PWWP3A: variants seen among roughly 807,000 people sequenced by gnomAD.
PWWP3A encodes the protein PWWP domain containing 3A, DNA repair factor, also known as PWWP domain-containing DNA repair factor 3A.
In PWWP3A, 53 loss-of-function variants were observed where a neutral mutation model predicts 79.0. The observed-to-expected ratio is 0.67, with a 90% CI of 0.54 to 0.84. The LOEUF is 0.84. Ranked by LOEUF, PWWP3A falls within the 40% of genes least tolerant of loss-of-function variation. The pLI is 0.00. For missense variants in PWWP3A, 973 were observed against 948.0 expected (o/e 1.03, Z -0.35); for synonymous variants, 443 against 394.4 (o/e 1.12, Z -1.46).
Position 1,356,994 on chromosome 19 carries a change from T to C in PWWP3A, c.58-15T>C. On this transcript the variant is annotated splice_polypyrimidine_tract_variant and intron_variant, in intron 2 of 13. Transcript: ENST00000591337. ...CTGTTGTAATAACAAGGATTTTCTT[T>C]TGTTTTAAATGTAGGTTTTGGCCCG... is the stretch of plus-strand genomic sequence containing the variant. The C allele has an allele frequency of 6.2e-7, 1 of 1,604,854 alleles. No homozygotes were observed. The highest frequency in any genetic ancestry group is 8.5e-7 in the Non-Finnish European group (1 of 1,175,830).
intron 13 of PWWP3A, chr19:1,374,387 C>T (rs1478341103): frequency 6.6e-6 from 1 of 152,244 alleles, no homozygotes; most frequent in Admixed American, 6.5e-5. Context: ...CAGCATCGCA[C>T]TTGATCTTTG....
chr19:1,355,769 C>T lies in PWWP3A; in HGVS notation c.-69-555C>T, dbSNP rs542303496. On this transcript the variant is annotated intron_variant, in intron 1 of 13. Transcript: ENST00000591337. ...TCTTCCCTGCTGCGGGGACGCCCCC[C>T]TCCGTTGTTGCTAAATTCCACCCCC... is the stretch of plus-strand genomic sequence containing the variant. 9.9e-5 allele frequency among the ~76,000 whole-genome samples: 15 copies of T among 152,034 alleles called. No homozygotes were observed. The East Asian group carries it at 2.5e-3, about 26-fold the overall frequency.
chr19:1,367,793 TCC>T (rs935729786), intron 9 of PWWP3A, among the ~76,000 whole-genome samples: 2 of 152,188 alleles, frequency 1.3e-5, no homozygotes, highest in Non-Finnish European at 2.9e-5. Context: ...AATGTCTATT[TCC>T]CCTCTGGAAA....
rs2081994640 is a variant in PWWP3A at position 1,360,775 on chromosome 19, C to A, written c.854C>A (p.Ala285Asp). The change falls in exon 5 of 14, where the codon GCC becomes GAC. Residue 285 changes from alanine to aspartate, a missense_variant. Ala to Asp is a moderately radical substitution (Grantham distance 126, BLOSUM62 -2). Transcript: ENST00000591337. The surrounding 1 kb of genome is among the most constrained non-coding windows in gnomAD (Gnocchi z 4.4). ...LPLGSLTAPP[A>D]PEPSACSEPG... Reference sequence around the variant, plus strand: ...TTGGGCAGCCTCACTGCGCCCCCAGCCCCTGAGCCCTCGGCCTGCTCAGAG... The same window carrying A: ...TTGGGCAGCCTCACTGCGCCCCCAGACCCTGAGCCCTCGGCCTGCTCAGAG... 3.1e-6 allele frequency: 5 copies of A among 1,609,482 alleles called. No homozygotes were observed. The highest frequency in any genetic ancestry group is 2.2e-5 in the South Asian group (2 of 90,736).
At chr19:1,362,963 C>T (rs1322345554) in intron 6 of PWWP3A, among the ~76,000 whole-genome samples, 3 of 152,270 alleles carry the variant, frequency 2.0e-5, no homozygotes, top group Non-Finnish European at 4.4e-5. Context: ...ACTTGAGACT[C>T]GCCCGTGAAC....
In PWWP3A at chr19:1,362,259, C is replaced by T. The variant is rs139213536; in HGVS notation, c.1121C>T (p.Ser374Phe). The T allele has an allele frequency of 2.5e-6, 4 of 1,611,982 alleles. No homozygotes were observed. The highest frequency in any genetic ancestry group is 3.4e-6 in the Non-Finnish European group (4 of 1,179,254). ...DSQKLEKECQ[S>F]SEESMGSNSM... Reference sequence around the variant, plus strand: ...ATCACATTATTGGCAGAGTGCCAGTCTTCCGAAGAGTCCATGGGGTCTAAT... The same window carrying T: ...ATCACATTATTGGCAGAGTGCCAGTTTTCCGAAGAGTCCATGGGGTCTAAT... The change falls in exon 6 of 14, where the codon TCT (serine) becomes TTT (phenylalanine). Residue 374 changes from serine (S) to phenylalanine (F), a missense_variant. By Grantham distance (155) the Ser-to-Phe change is radical (BLOSUM62 -2). Coordinates refer to ENST00000591337, the MANE Select transcript of PWWP3A (RefSeq NM_001369789.1).
At chr19:1,362,422 A>C (rs2082038504) in intron 6 of PWWP3A, 71 bp downstream of exon 6, 4 of 1,181,868 alleles carry the variant, frequency 3.4e-6, no homozygotes, top group African/African-American at 1.5e-5. Context: ...GGGCTCCGAG[A>C]CCGGGCCCCA....
At chr19:1,371,355 T>C (rs2668424) in intron 12 of PWWP3A, 99,338 of 703,620 alleles carry the variant, frequency 0.14, 7,990 homozygotes, top group African/African-American at 0.27. Context: ...ACTCCCTCCC[T>C]ACTGCGGGCG....
intron 3 of PWWP3A, 75 bp downstream of exon 3, chr19:1,357,169 A>C: frequency 8.9e-7 from 1 of 1,126,260 alleles, no homozygotes; most frequent in Non-Finnish European, 1.3e-6. Context: ...ACTCCCCCAA[A>C]ACAGTTGAAG....
intron 12 of PWWP3A, 64 bp downstream of exon 12, chr19:1,371,142 G>T (rs555628755): frequency 3.9e-6 from 6 of 1,521,028 alleles, no homozygotes; most frequent in Non-Finnish European, 4.4e-6. Flanking sequence ...TTGCAACTCC[G>T]CACGAGGAGG....
chr19:1,363,933 T>G (rs1312557067), intron 6 of PWWP3A, among the ~76,000 whole-genome samples: 1 of 152,250 alleles, frequency 6.6e-6, no homozygotes, highest in African/African-American at 2.4e-5. Context: ...CTGTTTCCAG[T>G]AGTTTTTCTA....
At chr19:1,364,385 C>A in intron 6 of PWWP3A, 124 bp from the exon 7 acceptor site, 1 of 724,232 alleles carries the variant, frequency 1.4e-6, no homozygotes, top group South Asian at 1.7e-5. Context: ...AAGCGAATGA[C>A]ACAAAGTCAG....
At chr19:1,357,509 C>T (rs914769578) in intron 3 of PWWP3A, 3 of 152,286 alleles carry the variant, frequency 2.0e-5, no homozygotes, top group African/African-American at 7.4e-5. Flanking sequence ...CTGTGACAGG[C>T]CCATCAATTT....
rs906804537 is a variant in PWWP3A at position 1,360,762 on chromosome 19, A to T, written c.841A>T (p.Thr281Ser). The T allele has an allele frequency of 1.2e-6, 2 of 1,611,580 alleles. No homozygotes were observed. The highest frequency in any genetic ancestry group is 2.7e-5 in the African/African-American group (2 of 74,918). Reference sequence around the variant, plus strand: ...CCCCGGTCTGCCGTTGGGCAGCCTCACTGCGCCCCCAGCCCCTGAGCCCTC... The same window carrying T: ...CCCCGGTCTGCCGTTGGGCAGCCTCTCTGCGCCCCCAGCCCCTGAGCCCTC... ...HDPGLPLGSL[T>S]APPAPEPSAC... Residue 281 changes from threonine to serine, a missense_variant, in exon 5 of 14, where the codon ACT becomes TCT. By Grantham distance (58) the Thr-to-Ser change is moderately conservative (BLOSUM62 1). Transcript: ENST00000591337. This position sits in a 1 kb window ranked among gnomAD's most constrained non-coding sequence, Gnocchi z 4.4.
intron 7 of PWWP3A, 86 bp from the exon 8 acceptor site, chr19:1,366,219 G>A (rs2082125399): frequency 1.5e-6 from 2 of 1,340,196 alleles, no homozygotes; most frequent in South Asian, 1.2e-5. Context: ...GCGCCTGTTA[G>A]ATGTATCATG....
chr19:1,370,772 C>T lies in PWWP3A; in HGVS notation c.1680C>T (p.Leu560=). ...AGAGGCAGCCCTGCCGGAAAATGCTCCCCGACCGCTCGCGGGCCGCCCGGG... is the reference window on the plus strand; with the variant it reads ...AGAGGCAGCCCTGCCGGAAAATGCTTCCCGACCGCTCGCGGGCCGCCCGGG... The part of the protein sequence containing the change: ...LGQRQPCRKM[L]PDRSRAARDR... The change falls in exon 12 of 14, where the codon CTC becomes CTT. Residue 560 remains leucine (L), a synonymous_variant. Coordinates refer to ENST00000591337, the MANE Select transcript of PWWP3A (RefSeq NM_001369789.1). 2.0e-6 allele frequency: 3 copies of T among 1,524,266 alleles called. No individual in the cohort carries two copies. The highest frequency in any genetic ancestry group is 2.6e-6 in the Non-Finnish European group (3 of 1,132,308). The allele number at this position is 1,524,266 out of a possible 1,614,324, so 94.4% of individuals were successfully genotyped here. A position where few individuals can be genotyped will look rare whatever the true frequency, so the allele number is the denominator to read the frequency against.
chr19:1,362,896 T>TGAGCCAGCCGC (rs1389432780), intron 6 of PWWP3A, among the ~76,000 whole-genome samples: 2 of 152,232 alleles, frequency 1.3e-5, no homozygotes, highest in African/African-American at 2.4e-5. Context: ...CCCAAAGATC[T>TGAGCCAGCCGC]GAGCCAGCCG....
Position 1,360,245 on chromosome 19 carries a change from C to T in PWWP3A, c.324C>T (p.Ser108=). The T allele has an allele frequency of 6.2e-7, 1 of 1,614,086 alleles. No individual in the cohort carries two copies. Among genetic ancestry groups the T allele is most frequent in the African/African-American group, 1.3e-5 (1 of 75,070 alleles). The stretch of plus-strand genomic sequence containing the variant: ...AGGGCTCGATTTGGAGTCAAGAAAG[C>T]TCTGCAGGGACAGGTAGAGCTGACC... ...LSEGSIWSQE[S]SAGTGRADRS... Residue 108 remains serine (S), a synonymous_variant, in exon 5 of 14, where the codon AGC becomes AGT. Transcript: ENST00000591337. The surrounding 1 kb of genome is among the most constrained non-coding windows in gnomAD (Gnocchi z 4.4).
At chr19:1,362,399 G>GGCA (rs1261184962) in intron 6 of PWWP3A, 48 bp downstream of exon 6, 1 of 1,488,920 alleles carries the variant, frequency 6.7e-7, no homozygotes, top group Non-Finnish European at 9.2e-7. Context: ...TGCGCTCAGA[G>GGCA]GCAGCGGCGG....
Sources: gnomAD v4.1 joint callset for allele counts (sites outside exome capture counted in the v4.1 genomes callset) on GRCh38, gnomAD v4.1.1 for gene constraint, Gnocchi (gnomAD v3.1) non-coding constraint, MANE v1.5 for transcripts, NCBI Gene and HGNC (gene_info 2026-07-23, HGNC 2026-07-21) for gene names.